The following CARS2 variants were observed in gnomAD, a reference collection of about 807,000 sequenced individuals.
The protein encoded by CARS2 is probable cysteine--tRNA ligase, mitochondrial.
In CARS2, 52 loss-of-function variants were observed where a neutral mutation model predicts 68.8. The ratio of observed to expected loss-of-function variants is 0.76; its 90% CI spans 0.61 to 0.95. The LOEUF is 0.95. CARS2 is among the 40% of genes least tolerant of loss of function. CARS2 has a pLI of 0.00. For synonymous variants in CARS2, 314 were observed against 303.6 expected (o/e 1.03, Z -0.36); for missense variants, 780 against 754.2 (o/e 1.03, Z -0.40).
chr13:110,667,244 T>C, intron 8 of CARS2, 96 bp downstream of exon 8: 1 of 1,107,660 alleles, frequency 9.0e-7, no homozygotes, highest in East Asian at 2.5e-5. Context: ...ACCTATTAGC[T>C]GATCTACTAT....
chr13:110,642,815 A>C, intron 13 of CARS2: 3 of 653,636 alleles, frequency 4.6e-6, no homozygotes, highest in Non-Finnish European at 5.7e-6. Context: ...CCTGAACACA[A>C]ACGCTCCCTG....
At chr13:110,697,149 C>T (rs1404707964) in intron 3 of CARS2, among the ~76,000 whole-genome samples, 31 of 152,346 alleles carry the variant, frequency 2.0e-4, no homozygotes, top group Non-Finnish European at 2.9e-5. Context: ...CTGGCTGCCC[C>T]GACGGCAGGT....
At chr13:110,713,119 C>T (rs572952972) in intron 1 of CARS2, 9 of 1,430,574 alleles carry the variant, frequency 6.3e-6, no homozygotes, top group Non-Finnish European at 8.2e-6. Context: ...TAGTAAGAGT[C>T]CGGGGGGCAT....
chr13:110,706,123 A>G, upstream of CARS2: 1 of 1,274,688 alleles, frequency 7.8e-7, no homozygotes, highest in Non-Finnish European at 9.9e-7. Flanking sequence ...GACTGGGCGG[A>G]GACGGGAGCC....
intron 3 of CARS2, among the ~76,000 whole-genome samples, chr13:110,694,576 G>A (rs907134339): frequency 2.6e-5 from 4 of 152,034 alleles, no homozygotes; most frequent in African/African-American, 7.2e-5. Flanking sequence ...GGCGGAGGTT[G>A]CGCTGGGCTG....
intron 3 of CARS2, among the ~76,000 whole-genome samples, chr13:110,699,019 A>T (rs2063706027): frequency 1.9e-5 from 1 of 53,024 alleles, no homozygotes; most frequent in Non-Finnish European, 4.0e-5. Context: ...CTCCAAAAAA[A>T]AAGAAAAAAA....
intron 6 of CARS2, among the ~76,000 whole-genome samples, chr13:110,679,080 C>T (rs1039780619): frequency 7.6e-5 from 4 of 52,900 alleles, no homozygotes; most frequent in African/African-American, 3.0e-4. Context: ...CCCCGTGGCC[C>T]TGAATTTGAG....
At chr13:110,677,234 A>C in intron 6 of CARS2, 131 bp from the exon 7 acceptor site, 47 of 641,022 alleles carry the variant, frequency 7.3e-5, no homozygotes, top group Non-Finnish European at 8.7e-5. Context: ...TCACCCCAAC[A>C]TGGAAACCCA....
At chr13:110,644,345 G>A (rs1887801974) in intron 13 of CARS2, 40 bp downstream of exon 13, 2 of 1,576,116 alleles carry the variant, frequency 1.3e-6, no homozygotes, top group Admixed American at 1.7e-5. Flanking sequence ...CCAACATGGA[G>A]AAAATTCCAG....
intron 2 of CARS2, 27 bp from the exon 3 acceptor site, chr13:110,701,582 C>CT: frequency 2.1e-6 from 2 of 959,604 alleles, no homozygotes; most frequent in East Asian, 4.8e-5. Context: ...GTCAGGATGT[C>CT]TTTATTACAC....
rs753363384 is a variant in CARS2 at position 110,683,094 on chromosome 13, A to G, written c.612T>C (p.Tyr204=). 4.4e-6 allele frequency: 7 copies of G among 1,603,116 alleles called. No homozygotes were observed. The highest frequency in any genetic ancestry group is 1.3e-5 in the African/African-American group (1 of 74,240). The change falls in exon 6 of 15, where the codon TAT becomes TAC. Residue 204 remains tyrosine, a synonymous_variant. Transcript: ENST00000257347. The stretch of plus-strand genomic sequence containing the variant: ...CAGGGACCACGCCGACCAATTTGCC[A>G]TACTTGTCTCCTCTAGACTTCAGAT... ...YFDLKSRGDK[Y]GKLVGVVPGP...
intron 9 of CARS2, among the ~76,000 whole-genome samples, chr13:110,652,404 G>A (rs971173018): frequency 4.6e-5 from 7 of 152,244 alleles, no homozygotes; most frequent in Non-Finnish European, 8.8e-5. Context: ...GTCTAAGGCC[G>A]TGCTGCTCAA....
At chr13:110,701,587 T>TG in intron 2 of CARS2, 32 bp from the exon 3 acceptor site, 1 of 922,242 alleles carries the variant, frequency 1.1e-6, no homozygotes, top group Non-Finnish European at 1.8e-6. Context: ...GATGTCTTTA[T>TG]TACACAAAGT....
intron 3 of CARS2, among the ~76,000 whole-genome samples, chr13:110,698,622 C>T (rs2063693897): frequency 6.6e-6 from 1 of 151,972 alleles, no homozygotes; most frequent in African/African-American, 2.4e-5. Flanking sequence ...ATTTATTTGC[C>T]CTTGTAACAG....
chr13:110,676,181 T>C lies in CARS2; in HGVS notation c.785+793A>G, dbSNP rs2062943904. 6.6e-6 allele frequency among the ~76,000 whole-genome samples: 1 copy of C among 152,082 alleles called. No individual in the cohort carries two copies. Among genetic ancestry groups the C allele is most frequent in the South Asian group, 2.1e-4 (1 of 4,830 alleles). ...AAACAAAAAAACAGGAACATGAAACTAACTGTGGCGAGCCCCATGGGCAGC... is the reference window on the plus strand; with the variant it reads ...AAACAAAAAAACAGGAACATGAAACCAACTGTGGCGAGCCCCATGGGCAGC... On this transcript the variant is annotated intron_variant, in intron 7 of 14. Coordinates refer to ENST00000257347, the MANE Select transcript of CARS2 (RefSeq NM_024537.4). This position sits in a 1 kb window ranked among gnomAD's most constrained non-coding sequence, Gnocchi z 4.0.
intron 3 of CARS2, among the ~76,000 whole-genome samples, chr13:110,692,332 G>A (rs1457447738): frequency 2.0e-5 from 3 of 151,694 alleles, no homozygotes; most frequent in Non-Finnish European, 2.9e-5. Flanking sequence ...TTAGATGGGC[G>A]TGGTGGCACA....
intron 6 of CARS2, among the ~76,000 whole-genome samples, chr13:110,679,571 G>GAA (rs1566711918): frequency 8.0e-5 from 8 of 100,020 alleles, no homozygotes; most frequent in African/African-American, 2.5e-4. Context: ...GAAAGAAAGA[G>GAA]AGAGAAAGAA....
rs1887492540 is a variant in CARS2 at position 110,642,476 on chromosome 13, C to G, written c.1462G>C (p.Asp488His). ...GSEATLHGVV[D>H]ELVRFRQKVR... ...TTCTGCCGGAACCGCACCAGCTCGT[C>G]CACCACACCATGCAAGGTAGCCTCG... Residue 488 changes from aspartate (D) to histidine (H), a missense_variant, in exon 14 of 15, where the codon GAC becomes CAC. By Grantham distance (81) the Asp-to-His change is moderately conservative. Coordinates refer to ENST00000257347, the MANE Select transcript of CARS2 (RefSeq NM_024537.4). 1 of 1,610,188 alleles carries G rather than the reference C, an allele frequency of 6.2e-7. No homozygotes were observed. Among genetic ancestry groups the G allele is most frequent in the South Asian group, 1.1e-5 (1 of 90,380 alleles).
chr13:110,696,725 GT>G (rs951039597), intron 3 of CARS2, among the ~76,000 whole-genome samples: 1 of 152,156 alleles, frequency 6.6e-6, no homozygotes, highest in Non-Finnish European at 1.5e-5. Context: ...ATTCTACCAA[GT>G]TTTTCATATT....
Sources: allele counts gnomAD v4.1 joint callset (sites outside exome capture counted in the v4.1 genomes callset), GRCh38; gene constraint gnomAD v4.1.1; non-coding constraint Gnocchi (gnomAD v3.1); transcripts MANE v1.5; gene names NCBI Gene and HGNC (gene_info 2026-07-23, HGNC 2026-07-21).